Variants in CLYBL observed in about 807,000 individuals in gnomAD.
CLYBL encodes citramalyl-CoA lyase, mitochondrial.
A neutral mutation model predicts 38.9 loss-of-function variants in CLYBL; 31 were observed. The ratio of observed to expected loss-of-function variants is 0.80; its 90% CI spans 0.60 to 1.08. The LOEUF is 1.08. CLYBL is among the 50% of genes least tolerant of loss of function. The pLI, the probability that CLYBL is intolerant of heterozygous loss-of-function variation, is 0.00. For missense variants in CLYBL, 434 were observed against 411.6 expected, an observed-to-expected ratio of 1.05 and a Z score of -0.47; for synonymous variants, 171 against 158.6, an observed-to-expected ratio of 1.08 and a Z score of -0.59.
intron 1 of CLYBL, among the ~76,000 whole-genome samples, chr13:99,628,357 T>G (rs1407458232): frequency 6.6e-6 from 1 of 152,216 alleles, no homozygotes; most frequent in Non-Finnish European, 1.5e-5. Flanking sequence ...CTCGGTTTCT[T>G]TAAGTGATAT....
exon 10 of CLYBL, among the ~76,000 whole-genome samples, chr13:99,908,998 A>C (rs1473397514): frequency 6.6e-6 from 1 of 152,252 alleles, no homozygotes; most frequent in Admixed American, 6.5e-5. Context: ...ACTCAAATTC[A>C]ATGTGATTAA....
intron 1 of CLYBL, among the ~76,000 whole-genome samples, chr13:99,765,335 A>G (rs970513947): frequency 6.6e-6 from 1 of 152,102 alleles, no homozygotes. Context: ...TGCTGCTTTT[A>G]GGATTCTGTT....
intron 1 of CLYBL, among the ~76,000 whole-genome samples, chr13:99,744,294 T>C (rs1292693641): frequency 1.3e-5 from 2 of 152,170 alleles, no homozygotes; most frequent in Non-Finnish European, 2.9e-5. Context: ...CTTTAAAATG[T>C]TGGAGGCCAG....
intron 2 of CLYBL, among the ~76,000 whole-genome samples, chr13:99,840,782 G>GAAA (rs1168663737): frequency 7.8e-5 from 4 of 51,226 alleles, no homozygotes; most frequent in African/African-American, 1.9e-4. Context: ...AAAAAAAAAG[G>GAAA]GTTACATATG....
chr13:99,817,669 A>AAAAAG (rs1449015053), intron 2 of CLYBL, among the ~76,000 whole-genome samples: 10 of 147,842 alleles, frequency 6.8e-5, no homozygotes, highest in African/African-American at 2.5e-4. Flanking sequence ...AAAAAAAAAA[A>AAAAAG]AAAAGAAAAG....
intron 1 of CLYBL, among the ~76,000 whole-genome samples, chr13:99,763,548 CT>C (rs59409196): frequency 0.36 from 41,725 of 116,014 alleles, 7,048 homozygotes; most frequent in East Asian, 0.45. Flanking sequence ...TCTTTTTATT[CT>C]TTTTTTTTTT....
intron 2 of CLYBL, among the ~76,000 whole-genome samples, chr13:99,813,575 A>AT (rs1161524311): frequency 6.6e-6 from 1 of 152,188 alleles, no homozygotes; most frequent in African/African-American, 2.4e-5. Context: ...CTCTGCCACT[A>AT]ACTTACTGAC....
At chr13:99,805,284 G>A (rs1046707856) in intron 2 of CLYBL, among the ~76,000 whole-genome samples, 3 of 152,282 alleles carry the variant, frequency 2.0e-5, no homozygotes, top group African/African-American at 7.2e-5. Context: ...CCCCAGAAGT[G>A]GGATTGCTGG....
chr13:99,688,579 GCTTTT>G (rs2047853232), intron 1 of CLYBL, among the ~76,000 whole-genome samples: 1 of 150,534 alleles, frequency 6.6e-6, no homozygotes, highest in Non-Finnish European at 1.5e-5. Flanking sequence ...TACTTATTTG[GCTTTT>G]CTTTAGTCCG....
chr13:99,831,439 C>G (rs536613821), intron 2 of CLYBL, among the ~76,000 whole-genome samples: 2 of 152,094 alleles, frequency 1.3e-5, no homozygotes, highest in Non-Finnish European at 2.9e-5. Context: ...GGATAAATAG[C>G]TAATGCATGC....
chr13:99,615,494 C>T (rs374829848), intron 1 of CLYBL, among the ~76,000 whole-genome samples: 43 of 152,286 alleles, frequency 2.8e-4, no homozygotes, highest in African/African-American at 9.4e-4. Context: ...GCAGCTGGAG[C>T]TGTGTTCTGC....
chr13:99,747,897 G>C (rs1413290016), intron 1 of CLYBL, among the ~76,000 whole-genome samples: 1 of 152,214 alleles, frequency 6.6e-6, no homozygotes, highest in Non-Finnish European at 1.5e-5. Flanking sequence ...GCATGGATGT[G>C]ATAAGGCCAA....
At position 99,784,640 on chromosome 13, in the gene CLYBL, A is replaced by G. The variant is rs180758669; in HGVS notation, c.249+11630A>G. Among the ~76,000 whole-genome samples the G allele has an allele frequency of 1.2e-3, 176 of 151,828 alleles. No homozygotes were observed. The South Asian group carries it at 0.017, about 15-fold the overall frequency. On this transcript the variant is annotated intron_variant, in intron 2 of 8. Coordinates refer to ENST00000339105, the MANE Select transcript of CLYBL (RefSeq NM_206808.5). ...CAGCTAATTTTTGTATTTTTAGTAG[A>G]GACAGGTTTCACCATGTTGGCCAGG...
At chr13:99,791,128 T>G (rs1340691311) in intron 2 of CLYBL, among the ~76,000 whole-genome samples, 1 of 152,120 alleles carries the variant, frequency 6.6e-6, no homozygotes, top group Non-Finnish European at 1.5e-5. Context: ...CAGTCTGAGT[T>G]AGTGGAAAGG....
intron 1 of CLYBL, among the ~76,000 whole-genome samples, chr13:99,631,755 C>T (rs976863957): frequency 2.6e-5 from 4 of 152,162 alleles, no homozygotes; most frequent in East Asian, 3.9e-4. Context: ...CGCACCACCA[C>T]GCCCAGCTAA....
chr13:99,821,146 G>T (rs151141469), intron 2 of CLYBL, among the ~76,000 whole-genome samples: 1 of 152,172 alleles, frequency 6.6e-6, no homozygotes, highest in Non-Finnish European at 1.5e-5. Flanking sequence ...TGGGGTTTCC[G>T]GATGGGCTGG....
At chr13:99,789,526 C>T (rs1594184298) in intron 2 of CLYBL, among the ~76,000 whole-genome samples, 1 of 152,170 alleles carries the variant, frequency 6.6e-6, no homozygotes, top group Non-Finnish European at 1.5e-5. Context: ...GTTTCTTAAT[C>T]CTGAGTTCTA....
At chr13:99,853,329 T>G (rs372855577) in intron 2 of CLYBL, among the ~76,000 whole-genome samples, 1 of 152,026 alleles carries the variant, frequency 6.6e-6, no homozygotes, top group Non-Finnish European at 1.5e-5. Flanking sequence ...AAAGCCAATT[T>G]AGCATTTCAC....
At chr13:99,769,416 T>G (rs1037396075) in intron 1 of CLYBL, among the ~76,000 whole-genome samples, 2 of 152,194 alleles carry the variant, frequency 1.3e-5, no homozygotes, top group Non-Finnish European at 2.9e-5. Context: ...ATCTTCCCCC[T>G]CTCTTAGATT....
Sources: allele counts gnomAD v4.1 joint callset (sites outside exome capture counted in the v4.1 genomes callset), GRCh38; gene constraint gnomAD v4.1.1; transcripts MANE v1.5; gene names NCBI Gene and HGNC (gene_info 2026-07-23, HGNC 2026-07-21).